Variants in NEMP1 observed in about 807,000 individuals in gnomAD.
NEMP1 encodes nuclear envelope integral membrane protein 1.
Under a neutral mutation model 53.7 loss-of-function variants are expected in NEMP1, and 29 were observed. The ratio of observed to expected loss-of-function variants is 0.54; its 90% CI spans 0.40 to 0.74. NEMP1 has a LOEUF of 0.74. Among genes scored for constraint, NEMP1 ranks in the 30% least tolerant of loss-of-function variants. The probability of loss-of-function intolerance (pLI) is 0.00; values close to 1 mark genes in which losing one functional copy is unlikely to be tolerated. For missense variants in NEMP1, 477 were observed against 528.6 expected (o/e 0.90, Z 0.96); for synonymous variants, 193 against 192.9 (o/e 1.00, Z 0.00).
intron 1 of NEMP1, among the ~76,000 whole-genome samples, chr12:57,087,397 G>A (rs2033036585): frequency 6.6e-6 from 1 of 151,820 alleles, no homozygotes; most frequent in African/African-American, 2.4e-5. Flanking sequence ...GGGGGCACGT[G>A]GAAACCCGGG....
At chr12:57,081,078 T>A (rs1274497693), upstream of NEMP1, among the ~76,000 whole-genome samples, 1 of 152,074 alleles carries the variant, frequency 6.6e-6, no homozygotes, top group Non-Finnish European at 1.5e-5. Context: ...CTTGATAACA[T>A]GAGATGAAAA....
At chr12:57,072,541 G>A (rs1422850670) in intron 2 of NEMP1, among the ~76,000 whole-genome samples, 1 of 152,172 alleles carries the variant, frequency 6.6e-6, no homozygotes, top group Non-Finnish European at 1.5e-5. Context: ...GTTTCTTTGG[G>A]AAAAGGAGGG....
At chr12:57,066,581 G>A (rs889671525) in intron 4 of NEMP1, among the ~76,000 whole-genome samples, 1 of 152,190 alleles carries the variant, frequency 6.6e-6, no homozygotes, top group Non-Finnish European at 1.5e-5. Flanking sequence ...TTTCAATATT[G>A]CTGTTTCTCA....
upstream of NEMP1, among the ~76,000 whole-genome samples, chr12:57,088,233 C>G (rs558519685): frequency 6.6e-6 from 1 of 152,314 alleles, no homozygotes; most frequent in Admixed American, 6.5e-5. Context: ...CTGACAAAAG[C>G]CGACGCGTCT....
upstream of NEMP1, among the ~76,000 whole-genome samples, chr12:57,088,318 C>G (rs987195397): frequency 1.3e-5 from 2 of 152,198 alleles, no homozygotes; most frequent in African/African-American, 4.8e-5. Context: ...TCCAGGCTAG[C>G]ATGGAGGCCT....
intron 3 of NEMP1, 139 bp downstream of exon 3, chr12:57,070,535 A>T: frequency 1.5e-6 from 1 of 675,226 alleles, no homozygotes. Flanking sequence ...AACTGTTTAG[A>T]GCAGTGGTAT....
chr12:57,082,189 C>T (rs2032867939), upstream of NEMP1, among the ~76,000 whole-genome samples: 1 of 152,196 alleles, frequency 6.6e-6, no homozygotes, highest in African/African-American at 2.4e-5. Flanking sequence ...CACTGCACTC[C>T]AGCCCGGTGA....
At chr12:57,069,914 C>A (rs1432261444) in intron 3 of NEMP1, among the ~76,000 whole-genome samples, 1 of 150,816 alleles carries the variant, frequency 6.6e-6, no homozygotes, top group Non-Finnish European at 1.5e-5. Context: ...AGAACAGGAG[C>A]AGAAGGAATC....
chr12:57,078,585 C>G (rs770157831), intron 1 of NEMP1, 34 bp downstream of exon 1: 2 of 1,593,158 alleles, frequency 1.3e-6, no homozygotes, highest in Non-Finnish European at 1.7e-6. Context: ...CCCCTCGGCA[C>G]CTGCCCCCTT....
intron 1 of NEMP1, among the ~76,000 whole-genome samples, chr12:57,078,334 C>T (rs530328934): frequency 4.7e-4 from 71 of 152,198 alleles, no homozygotes; most frequent in African/African-American, 1.6e-3. Context: ...CGAGACACAG[C>T]CCCCAGGACT....
chr12:57,063,838 T>C (rs1174404449), intron 6 of NEMP1, among the ~76,000 whole-genome samples: 5 of 152,214 alleles, frequency 3.3e-5, no homozygotes, highest in Non-Finnish European at 4.4e-5. Context: ...TAAAGAAAGG[T>C]ATATTTATAA....
rs36125053 is a variant in NEMP1 at position 57,058,177 on chromosome 12, C to CT, written c.*1701dup. The CT allele has an allele frequency of 0.25, 38,249 of 151,984 alleles. 6,324 individuals carry two copies. Among genetic ancestry groups the CT allele is most frequent in the African/African-American group, 0.48 (19,750 of 41,348 alleles). The allele number at this position is 151,984 out of a possible 1,614,324, so 9.4% of individuals were successfully genotyped here. ...TTCCTGCCAACTGAGGTAGTTGTCA[C>CT]TTAGGACAGTTTAAGGCTCTGGAAA... On this transcript the variant is annotated 3_prime_UTR_variant, in exon 9 of 9. Transcript: ENST00000300128.
At chr12:57,086,363 C>T (rs1218778589) in intron 1 of NEMP1, among the ~76,000 whole-genome samples, 1 of 152,148 alleles carries the variant, frequency 6.6e-6, no homozygotes, top group Non-Finnish European at 1.5e-5. Context: ...GAGATCAGTT[C>T]CTCTGGTCTG....
intron 1 of NEMP1, among the ~76,000 whole-genome samples, chr12:57,077,522 C>CA (rs1565666365): frequency 6.6e-6 from 1 of 151,810 alleles, no homozygotes; most frequent in East Asian, 1.9e-4. Flanking sequence ...AACAAAAAAA[C>CA]AAAAAAAGAA....
At chr12:57,080,762 G>T (rs1039933435), upstream of NEMP1, among the ~76,000 whole-genome samples, 2 of 151,684 alleles carry the variant, frequency 1.3e-5, no homozygotes, top group Non-Finnish European at 2.9e-5. Context: ...ATGGTGGCAG[G>T]TTCCTGTAAT....
chr12:57,060,600 G>C (rs1001577177), intron 8 of NEMP1, among the ~76,000 whole-genome samples, 172 bp downstream of exon 8: 1 of 152,140 alleles, frequency 6.6e-6, no homozygotes, highest in African/African-American at 2.4e-5. Context: ...GTTCCCTGAG[G>C]AAACAGGTTA....
Position 57,076,481 on chromosome 12 carries a change from T to C in NEMP1, c.127+2138A>G, listed in dbSNP as rs1012024653. 2.0e-5 allele frequency among the ~76,000 whole-genome samples: 3 copies of C among 150,100 alleles called. No individual in the cohort carries two copies. The East Asian group carries it at 5.9e-4, about 30-fold the overall frequency. Reference sequence around the variant, plus strand: ...GAGTTCGAGACCAACCTAGCCAACATGGTGAAACCCCATCTCTACTAAAAA... The same window carrying C: ...GAGTTCGAGACCAACCTAGCCAACACGGTGAAACCCCATCTCTACTAAAAA... On this transcript the variant is annotated intron_variant, in intron 1 of 8. Coordinates refer to ENST00000300128, the MANE Select transcript of NEMP1 (RefSeq NM_001130963.2).
In NEMP1 at chr12:57,064,131, T is replaced by G. The variant is rs974171323; in HGVS notation, c.694A>C (p.Ile232Leu). 1.7e-5 allele frequency: 27 copies of G among 1,611,076 alleles called. No individual in the cohort carries two copies. Among genetic ancestry groups the G allele is most frequent in the Non-Finnish European group, 2.0e-5 (23 of 1,179,076 alleles). Reference sequence around the variant, plus strand: ...TGTAAATTTTTAAAAACTAGTTGAATGAGGTACAGAGAAAAAGACCAGCCT... The same window carrying G: ...TGTAAATTTTTAAAAACTAGTTGAAGGAGGTACAGAGAAAAAGACCAGCCT... The part of the protein sequence containing the change: ...VGGWSFSLYL[I>L]QLVFKNLQEI... The change falls in exon 6 of 9, where the codon ATT becomes CTT. Residue 232 changes from isoleucine to leucine, a missense_variant. Physicochemically the swap from Ile to Leu is conservative, Grantham distance 5. Coordinates refer to ENST00000300128, the MANE Select transcript of NEMP1 (RefSeq NM_001130963.2).
intron 4 of NEMP1, among the ~76,000 whole-genome samples, chr12:57,066,236 G>A (rs7135297): frequency 6.6e-6 from 1 of 151,940 alleles, no homozygotes; most frequent in African/African-American, 2.4e-5. Flanking sequence ...GCCTGGGCAA[G>A]AGAGCAAGAC....
Sources: gnomAD v4.1 joint callset for allele counts (sites outside exome capture counted in the v4.1 genomes callset) on GRCh38, gnomAD v4.1.1 for gene constraint, MANE v1.5 for transcripts, NCBI Gene and HGNC (gene_info 2026-07-23, HGNC 2026-07-21) for gene names.